Variants in CDH20 observed in about 807,000 individuals in gnomAD.
CDH20 encodes the protein cadherin 20.
In CDH20, 29 loss-of-function variants were observed where a neutral mutation model predicts 74.2. The observed-to-expected ratio is 0.39, with a 90% confidence interval of 0.29 to 0.53. The LOEUF (loss-of-function observed/expected upper bound fraction) is 0.53, where lower values mean the gene tolerates loss of function less well. Among genes scored for constraint, CDH20 ranks in the 20% least tolerant of loss-of-function variants. The pLI is 0.69. For missense variants in CDH20, 988 were observed against 1,048.3 expected (o/e 0.94, Z 0.79); for synonymous variants, 469 against 405.4 (o/e 1.16, Z -1.88).
intron 1 of CDH20, among the ~76,000 whole-genome samples, chr18:61,457,446 G>A (rs56066725): frequency 0.022 from 3,322 of 152,188 alleles, 52 homozygotes; most frequent in African/African-American, 0.05. Flanking sequence ...TGAGGAAACT[G>A]AGGCATAGAA....
chr18:61,361,629 G>T (rs921934559), intron 1 of CDH20, among the ~76,000 whole-genome samples: 26 of 152,186 alleles, frequency 1.7e-4, no homozygotes, highest in Admixed American at 2.0e-4. Flanking sequence ...ACCAGTGCCT[G>T]CCCATGACCA....
In CDH20 at chr18:61,413,531, A is replaced by C. The variant is rs548148732; in HGVS notation, c.-152-76871A>C. The stretch of plus-strand genomic sequence containing the variant: ...AAACTCCTAAAAACTGTGACCATCC[A>C]AGGGTTTCTTTCTGAATGGGTCTTT... On this transcript the variant is annotated intron_variant, in intron 1 of 11. Transcript: ENST00000262717. 2.0e-5 allele frequency among the ~76,000 whole-genome samples: 3 copies of C among 152,204 alleles called. No individual in the cohort carries two copies. In the South Asian group the frequency reaches 6.2e-4, roughly 32 times the overall value.
At chr18:61,519,718 G>A (rs1392872515) in intron 6 of CDH20, among the ~76,000 whole-genome samples, 3 of 150,936 alleles carry the variant, frequency 2.0e-5, no homozygotes, top group African/African-American at 4.9e-5. Context: ...AACAACTAAC[G>A]GGCAAAATAA....
intron 1 of CDH20, among the ~76,000 whole-genome samples, chr18:61,479,608 G>C (rs1910515840): frequency 6.6e-6 from 1 of 152,016 alleles, no homozygotes; most frequent in Admixed American, 6.6e-5. Context: ...TGTTTTTCTT[G>C]GTTAACAATT....
intron 1 of CDH20, among the ~76,000 whole-genome samples, chr18:61,380,355 A>G (rs1429551844): frequency 6.6e-6 from 1 of 152,238 alleles, no homozygotes; most frequent in Non-Finnish European, 1.5e-5. Flanking sequence ...CATATATATT[A>G]TAAATACCAT....
At chr18:61,502,314 T>C (rs1843245330) in intron 4 of CDH20, among the ~76,000 whole-genome samples, 1 of 152,102 alleles carries the variant, frequency 6.6e-6, no homozygotes, top group Non-Finnish European at 1.5e-5. Context: ...TTATGCATGG[T>C]AAAAATAAAC....
chr18:61,351,831 A>T (rs1459571395), intron 1 of CDH20, among the ~76,000 whole-genome samples: 1 of 152,116 alleles, frequency 6.6e-6, no homozygotes, highest in Non-Finnish European at 1.5e-5. Flanking sequence ...AAACTTGTAG[A>T]TACATCTAGT....
chr18:61,509,349 G>A (rs962772682), intron 6 of CDH20, among the ~76,000 whole-genome samples: 3 of 152,222 alleles, frequency 2.0e-5, no homozygotes, highest in Non-Finnish European at 4.4e-5. Context: ...TGTGGGAGGT[G>A]CCCTACAAAT....
Position 61,353,948 on chromosome 18 carries a change from T to G in CDH20, c.-153+20121T>G, listed in dbSNP as rs1910400983. Among the ~76,000 whole-genome samples, 1 of 150,998 alleles carries G rather than the reference T, an allele frequency of 6.6e-6. No individual in the cohort carries two copies. Among genetic ancestry groups the G allele is most frequent in the African/African-American group, 2.4e-5 (1 of 40,980 alleles). ...AATACAAAATATTAGTTGGGCATGG[T>G]GGCGTGCACCTGTGGTCCCAGCTAC... On this transcript the variant is annotated intron_variant, in intron 1 of 11. Transcript: ENST00000262717. This position sits in a 1 kb window ranked among gnomAD's most constrained non-coding sequence, Gnocchi z 4.6.
chr18:61,486,083 T>A (rs1357523262), intron 1 of CDH20, among the ~76,000 whole-genome samples: 1 of 149,352 alleles, frequency 6.7e-6, no homozygotes, highest in South Asian at 2.1e-4. Flanking sequence ...AAAAAAAAAA[T>A]AAAATAAATA....
At chr18:61,403,014 T>G (rs1444657871) in intron 1 of CDH20, among the ~76,000 whole-genome samples, 1 of 152,216 alleles carries the variant, frequency 6.6e-6, no homozygotes, top group Admixed American at 6.5e-5. Flanking sequence ...TTAATCAGAC[T>G]AATATGGTAT....
intron 1 of CDH20, among the ~76,000 whole-genome samples, chr18:61,478,080 TCCCAG>T (rs551303984): frequency 2.7e-4 from 41 of 151,972 alleles, no homozygotes; most frequent in African/African-American, 9.7e-4. Flanking sequence ...ATGCCTGTAG[TCCCAG>T]CTACTTGGGA....
chr18:61,460,813 A>G (rs757879073), intron 1 of CDH20, among the ~76,000 whole-genome samples: 3 of 152,202 alleles, frequency 2.0e-5, no homozygotes, highest in Non-Finnish European at 4.4e-5. Flanking sequence ...CATTGTTTTC[A>G]ATAATTAGAT....
chr18:61,479,225 A>C (rs612061), intron 1 of CDH20, among the ~76,000 whole-genome samples: 150,488 of 151,854 alleles, frequency 0.99, 74,584 homozygotes, highest in East Asian at 1. Context: ...CCAAAAAAAA[A>C]CCCAAGATGG....
chr18:61,527,320 T>G (rs1912448329), intron 6 of CDH20, among the ~76,000 whole-genome samples: 1 of 27,050 alleles, frequency 3.7e-5, no homozygotes, highest in Non-Finnish European at 8.5e-5. Context: ...AGAATAATTT[T>G]TTAAGGAAAA....
At chr18:61,335,306 G>A (rs910592314) in intron 1 of CDH20, among the ~76,000 whole-genome samples, 8 of 152,120 alleles carry the variant, frequency 5.3e-5, no homozygotes, top group African/African-American at 1.9e-4. Flanking sequence ...AATCCGTAAG[G>A]GCACCTGTGG....
intron 7 of CDH20, among the ~76,000 whole-genome samples, chr18:61,530,447 C>T (rs1288078866): frequency 6.6e-6 from 1 of 152,138 alleles, no homozygotes; most frequent in Admixed American, 6.5e-5. Context: ...TCATCATCTG[C>T]ATTTTTGTTA....
chr18:61,358,983 A>G (rs2144129303), intron 1 of CDH20, among the ~76,000 whole-genome samples: 1 of 152,278 alleles, frequency 6.6e-6, no homozygotes, highest in African/African-American at 2.4e-5. Flanking sequence ...TGGTCTCACA[A>G]CCTTCTGTTT....
Position 61,375,285 on chromosome 18 carries a change from C to G in CDH20, c.-153+41458C>G, listed in dbSNP as rs1276755958. On this transcript the variant is annotated intron_variant, in intron 1 of 11. Transcript: ENST00000262717. ...AAGTATTCACAGAAGTGTTTAAAAG[C>G]TCTAACTTTGTTCTTACAACTACTG... 3.3e-5 allele frequency among the ~76,000 whole-genome samples: 5 copies of G among 152,082 alleles called. No homozygotes were observed. In the South Asian group the frequency reaches 1.0e-3, roughly 31 times the overall value.
Sources: gnomAD v4.1 joint callset for allele counts (sites outside exome capture counted in the v4.1 genomes callset) on GRCh38, gnomAD v4.1.1 for gene constraint, Gnocchi (gnomAD v3.1) non-coding constraint, MANE v1.5 for transcripts, NCBI Gene and HGNC (gene_info 2026-07-23, HGNC 2026-07-21) for gene names.